The following DMTN variants were observed in gnomAD, a reference collection of about 807,000 sequenced individuals.
DMTN encodes the protein dematin actin binding protein, also known as dematin.
A neutral mutation model predicts 59.4 loss-of-function variants in DMTN; 27 were observed. The observed-to-expected ratio is 0.45, with a 90% CI of 0.33 to 0.63. The LOEUF (loss-of-function observed/expected upper bound fraction) is 0.63, where lower values mean the gene tolerates loss of function less well. Ranked by LOEUF, DMTN falls within the 20% of genes least tolerant of loss-of-function variation. The probability of loss-of-function intolerance (pLI) is 0.02; values close to 1 mark genes in which losing one functional copy is unlikely to be tolerated. For missense variants in DMTN, 451 were observed against 528.9 expected, an observed-to-expected ratio of 0.85 and a Z score of 1.45; for synonymous variants, 221 against 203.7, an observed-to-expected ratio of 1.08 and a Z score of -0.72.
chr8:22,061,957 A>G (rs1004679236), intron 1 of DMTN, among the ~76,000 whole-genome samples: 2 of 151,340 alleles, frequency 1.3e-5, no homozygotes, highest in African/African-American at 4.9e-5. Context: ...AGGGCTCACT[A>G]TATTTCCCAG....
upstream of DMTN, among the ~76,000 whole-genome samples, chr8:22,050,687 G>A (rs1422364656): frequency 6.6e-6 from 1 of 152,186 alleles, no homozygotes; most frequent in African/African-American, 2.4e-5. Context: ...AGAGGCCTGT[G>A]CTGTCCCAGG....
rs545703143 is a variant in DMTN, at chr8:22,077,763, G to T, written c.836-2417G>T. Among the ~76,000 whole-genome samples, 25 of 152,282 alleles carry T rather than the reference G, an allele frequency of 1.6e-4. No homozygotes were observed. The South Asian group carries it at 5.2e-3, about 32-fold the overall frequency. On this transcript the variant is annotated intron_variant, in intron 10 of 15. Transcript: ENST00000358242. The stretch of plus-strand genomic sequence containing the variant: ...GGTTACTGTCATATTTAAACAACCT[G>T]AATTCTAGAATCATGAACAGGCATG...
chr8:22,054,105 C>CACACACACACACACACACAG (rs1801691378), upstream of DMTN, among the ~76,000 whole-genome samples: 1 of 144,992 alleles, frequency 6.9e-6, no homozygotes, highest in Non-Finnish European at 1.5e-5. Flanking sequence ...ACCACCAATA[C>CACACACACACACACACACAG]ACACACACAC....
At chr8:22,056,620 G>A (rs372048206), upstream of DMTN, among the ~76,000 whole-genome samples, 2 of 151,828 alleles carry the variant, frequency 1.3e-5, no homozygotes, top group East Asian at 3.9e-4. Context: ...GGAGAGGACA[G>A]TGCTGGCTGA....
Position 22,080,422 on chromosome 8 carries a change from C to T in DMTN, c.911C>T (p.Thr304Ile). 1 of 1,614,264 alleles carries T rather than the reference C, an allele frequency of 6.2e-7. No homozygotes were observed. The highest frequency in any genetic ancestry group is 8.5e-7 in the Non-Finnish European group (1 of 1,180,048). The change falls in exon 12 of 16, where the codon ACA (threonine) becomes ATA (isoleucine). Residue 304 changes from threonine (T) to isoleucine (I), a missense_variant. Physicochemically the swap from Thr to Ile is moderately conservative, Grantham distance 89. Coordinates refer to ENST00000358242, the MANE Select transcript of DMTN (RefSeq NM_001387751.1). ...GRTTLSRLQS[T>I]EFSPSGSETG... ...TTGTGTCCTTTCTAGCTACAGTCCA[C>T]AGAGTTCAGCCCATCAGGGAGTGAG...
chr8:22,068,813 G>A (rs563039493), intron 4 of DMTN, among the ~76,000 whole-genome samples: 3 of 152,130 alleles, frequency 2.0e-5, no homozygotes, highest in Admixed American at 6.5e-5. Context: ...AGCAAGGCTC[G>A]CGTGCTTCTC....
chr8:22,067,021 C>A, intron 2 of DMTN, 64 bp from the exon 3 acceptor site: 6 of 1,451,972 alleles, frequency 4.1e-6, no homozygotes, highest in Non-Finnish European at 5.5e-6. Context: ...AGGCCTAGGG[C>A]CGCCCCCGCC....
At chr8:22,074,897 C>T (rs975354521) in intron 10 of DMTN, among the ~76,000 whole-genome samples, 1 of 152,064 alleles carries the variant, frequency 6.6e-6, no homozygotes, top group African/African-American at 2.4e-5. Context: ...CCTCTTAAAG[C>T]CTAAGAGGGG....
intron 1 of DMTN, among the ~76,000 whole-genome samples, chr8:22,057,563 G>C (rs1212071803): frequency 3.3e-5 from 5 of 152,192 alleles, no homozygotes; most frequent in African/African-American, 1.2e-4. Flanking sequence ...GGGGCCTGAG[G>C]CTGTTTGTTT....
chr8:22,072,305 A>G, intron 8 of DMTN, 21 bp from the exon 9 acceptor site: 2 of 1,585,834 alleles, frequency 1.3e-6, no homozygotes, highest in Non-Finnish European at 1.7e-6. Flanking sequence ...CTCCCTCCCC[A>G]CCTTTGCTTG....
chr8:22,070,071 T>C (rs746067511), intron 7 of DMTN, 111 bp from the exon 8 acceptor site: 1 of 1,551,638 alleles, frequency 6.4e-7, no homozygotes, highest in Non-Finnish European at 8.8e-7. Flanking sequence ...GTGCTCAGCG[T>C]GTACACTGCT....
At chr8:22,065,568 C>T (rs776514398) in intron 1 of DMTN, among the ~76,000 whole-genome samples, 7 of 152,006 alleles carry the variant, frequency 4.6e-5, no homozygotes, top group South Asian at 2.1e-4. Flanking sequence ...TAGGGCTGGG[C>T]GCGGTGGCTC....
intron 8 of DMTN, among the ~76,000 whole-genome samples, chr8:22,071,990 C>G (rs1300607012): frequency 6.6e-6 from 1 of 152,034 alleles, no homozygotes; most frequent in Admixed American, 6.6e-5. Context: ...AATTACTGGG[C>G]TCAAGCAATC....
upstream of DMTN, among the ~76,000 whole-genome samples, chr8:22,050,056 T>C (rs114491804): frequency 6.0e-3 from 911 of 152,294 alleles, 7 homozygotes; most frequent in African/African-American, 0.021. Context: ...ACATTCTCCC[T>C]ACTGCTCGTC....
rs146914678 is a variant in DMTN, at chr8:22,069,587, G to A, written c.394+69G>A. The A allele has an allele frequency of 2.3e-5, 31 of 1,331,668 alleles. No individual in the cohort carries two copies. The Admixed American group carries it at 5.0e-4, about 21-fold the overall frequency. 82.5% of individuals were successfully genotyped at this position (1,331,668 alleles called of 1,614,324 possible). ...CCATCAGGAACCCCAATCCCCTTAC[G>A]CTCAGTCCCCCACTCTCTGGGGTAT... On this transcript the variant is annotated intron_variant, in intron 6 of 15. Coordinates refer to ENST00000358242, the MANE Select transcript of DMTN (RefSeq NM_001387751.1).
upstream of DMTN, among the ~76,000 whole-genome samples, chr8:22,049,768 TCTC>T (rs536177038): frequency 3.3e-4 from 50 of 152,144 alleles, no homozygotes; most frequent in African/African-American, 1.2e-3. Context: ...CCAGCCTGTT[TCTC>T]CTCCTCTCCC....
At chr8:22,050,990 A>T (rs551192891), upstream of DMTN, among the ~76,000 whole-genome samples, 1 of 152,282 alleles carries the variant, frequency 6.6e-6, no homozygotes, top group African/African-American at 2.4e-5. Context: ...TTCAGAGGAG[A>T]TTTAACATGC....
At chr8:22,074,173 G>T (rs1460323676) in intron 10 of DMTN, among the ~76,000 whole-genome samples, 1 of 152,236 alleles carries the variant, frequency 6.6e-6, no homozygotes, top group Non-Finnish European at 1.5e-5. Context: ...TTTCGATGCA[G>T]TGTGGCCGGT....
At chr8:22,067,713 G>T (rs765351155) in intron 4 of DMTN, 31 bp downstream of exon 4, 1 of 1,608,044 alleles carries the variant, frequency 6.2e-7, no homozygotes, top group Non-Finnish European at 8.5e-7. Context: ...CAGGACTCCG[G>T]GGGAGGCCCC....
Sources: gnomAD v4.1 joint callset for allele counts (sites outside exome capture counted in the v4.1 genomes callset) on GRCh38, gnomAD v4.1.1 for gene constraint, MANE v1.5 for transcripts, NCBI Gene and HGNC (gene_info 2026-07-23, HGNC 2026-07-21) for gene names.